The following RSPO2 variants were observed in gnomAD, a reference collection of about 807,000 sequenced individuals.
RSPO2 encodes the protein R-spondin-2.
In RSPO2, 14 loss-of-function variants were observed where a neutral mutation model predicts 30.9. The ratio of observed to expected loss-of-function variants is 0.45; its 90% CI spans 0.30 to 0.71. The LOEUF is 0.71. Ranked by LOEUF, RSPO2 falls within the 30% of genes least tolerant of loss-of-function variation. The pLI is 0.08. For missense variants in RSPO2, 264 were observed against 301.9 expected (o/e 0.87, Z 0.93); for synonymous variants, 107 against 96.4 (o/e 1.11, Z -0.64).
chr8:108,052,385 G>A (rs940935785), intron 2 of RSPO2, among the ~76,000 whole-genome samples: 65 of 152,072 alleles, frequency 4.3e-4, no homozygotes, highest in Non-Finnish European at 1.5e-4. Flanking sequence ...CCAGAATCAT[G>A]ATCAATATAT....
Position 108,028,270 on chromosome 8 carries a change from A to G in RSPO2, c.95-39026T>C, listed in dbSNP as rs796408031. The stretch of plus-strand genomic sequence containing the variant: ...GGCTTATCTTACCCCCTCACCTCAC[A>G]TATCCAAGTGAAGATTGTTCAAGAA... On this transcript the variant is annotated intron_variant, in intron 2 of 5. Transcript: ENST00000276659. 1.7e-4 allele frequency among the ~76,000 whole-genome samples: 26 copies of G among 152,252 alleles called. 1 individual carries two copies. Among genetic ancestry groups the G allele is most frequent in the African/African-American group, 6.3e-4 (26 of 41,566 alleles).
intron 3 of RSPO2, chr8:107,982,987 C>G (rs191830330): frequency 4.2e-5 from 24 of 576,550 alleles, no homozygotes; most frequent in Admixed American, 7.1e-5. Context: ...CCCTCAGCGC[C>G]TACGACTGGC....
At chr8:108,054,995 C>A (rs1812198450) in intron 2 of RSPO2, among the ~76,000 whole-genome samples, 1 of 152,104 alleles carries the variant, frequency 6.6e-6, no homozygotes, top group Admixed American at 6.5e-5. Context: ...GTGGTGCGTG[C>A]CTGTAGTCCC....
chr8:107,918,591 G>A (rs1812053220), intron 5 of RSPO2, among the ~76,000 whole-genome samples: 1 of 152,116 alleles, frequency 6.6e-6, no homozygotes. Context: ...GACCTCCAGA[G>A]GAGAAGAATT....
chr8:108,003,299 ATATATATATATATTTTT>A (rs1563559054), intron 2 of RSPO2, among the ~76,000 whole-genome samples: 25 of 23,288 alleles, frequency 1.1e-3, no homozygotes, highest in African/African-American at 3.7e-3. Context: ...ATATATATAT[ATATATATATATATTTTT>A]TTTTTTTTTT....
intron 2 of RSPO2, among the ~76,000 whole-genome samples, chr8:107,995,786 C>G (rs1167243037): frequency 6.6e-6 from 1 of 152,082 alleles, no homozygotes; most frequent in African/African-American, 2.4e-5. Flanking sequence ...TAATTCAGGC[C>G]TTTATCACTT....
chr8:108,007,942 C>A (rs111752276), intron 2 of RSPO2, among the ~76,000 whole-genome samples: 2,329 of 152,082 alleles, frequency 0.015, 31 homozygotes, highest in Non-Finnish European at 0.025. Flanking sequence ...CATTTTGAGA[C>A]CCCGTATCTA....
intron 5 of RSPO2, among the ~76,000 whole-genome samples, chr8:107,929,211 A>T (rs974053971): frequency 2.6e-5 from 4 of 152,208 alleles, no homozygotes; most frequent in Non-Finnish European, 5.9e-5. Context: ...TTGCAAAAGT[A>T]ATTTTTCATT....
intron 2 of RSPO2, among the ~76,000 whole-genome samples, chr8:108,044,101 C>T (rs1221156225): frequency 2.0e-5 from 3 of 151,308 alleles, no homozygotes; most frequent in Non-Finnish European, 4.4e-5. Context: ...GGTTATGCCA[C>T]TATCCTACCT....
Position 107,958,087 on chromosome 8 carries a change from A to G in RSPO2, c.609T>C (p.Cys203=). ...GATTATATCCACACCTACCTCCTGG[A>G]CAATGCCTCATTGTCATCTTGCATC... ...SRRCKMTMRH[C]PGGKRTPKAK... The change falls in exon 5 of 6, where the codon TGT becomes TGC. Residue 203 remains cysteine, a synonymous_variant. Transcript: ENST00000276659. The G allele has an allele frequency of 6.2e-7, 1 of 1,612,568 alleles. No individual in the cohort carries two copies. The highest frequency in any genetic ancestry group is 8.5e-7 in the Non-Finnish European group (1 of 1,178,782).
intron 5 of RSPO2, among the ~76,000 whole-genome samples, chr8:107,946,852 T>C (rs1813076878): frequency 6.6e-6 from 1 of 152,200 alleles, no homozygotes; most frequent in African/African-American, 2.4e-5. Context: ...TTCCCGATTC[T>C]GTTTTTTCCA....
intron 3 of RSPO2, 110 bp from the exon 4 acceptor site, chr8:107,960,927 A>G (rs1412085632): frequency 9.3e-6 from 7 of 755,920 alleles, no homozygotes; most frequent in South Asian, 3.9e-5. Flanking sequence ...AATTCTCATC[A>G]TCAGAGAAAT....
intron 5 of RSPO2, among the ~76,000 whole-genome samples, chr8:107,902,684 CTCT>C (rs1040463519): frequency 6.6e-6 from 1 of 152,050 alleles, no homozygotes. Context: ...AACAGGCTTA[CTCT>C]TCAAGACCCT....
rs1860003662 is a variant in RSPO2 at position 107,964,243 on chromosome 8, AT to A, written c.284-3427del. Among the ~76,000 whole-genome samples, 4 of 152,250 alleles carry A rather than the reference AT, an allele frequency of 2.6e-5. No individual in the cohort carries two copies. The South Asian group carries it at 8.3e-4, about 32-fold the overall frequency. ...TTTTTATGCATTCATTCGTTCATTC[AT>A]TCATTCATTCATTTAGAGACAGAAT... On this transcript the variant is annotated intron_variant, in intron 3 of 5. Coordinates refer to ENST00000276659, the MANE Select transcript of RSPO2 (RefSeq NM_178565.5).
intron 5 of RSPO2, among the ~76,000 whole-genome samples, chr8:107,927,781 C>A (rs1447786606): frequency 6.6e-6 from 1 of 151,946 alleles, no homozygotes; most frequent in Non-Finnish European, 1.5e-5. Flanking sequence ...TTTTGATGTA[C>A]TGCTGGATTC....
chr8:107,974,296 G>A (rs1036161345), intron 3 of RSPO2, among the ~76,000 whole-genome samples: 4 of 151,248 alleles, frequency 2.6e-5, no homozygotes, highest in Non-Finnish European at 5.9e-5. Context: ...AGACCAGCCT[G>A]GGCTATGTGA....
intron 2 of RSPO2, among the ~76,000 whole-genome samples, chr8:108,006,718 C>A (rs925561536): frequency 6.6e-6 from 1 of 151,914 alleles, no homozygotes; most frequent in African/African-American, 2.4e-5. Context: ...TGTAGGACAC[C>A]GGGATTGTAA....
At chr8:107,976,774 C>A (rs1258453288) in intron 3 of RSPO2, among the ~76,000 whole-genome samples, 2 of 152,176 alleles carry the variant, frequency 1.3e-5, no homozygotes, top group South Asian at 2.1e-4. Flanking sequence ...TCCCTGTTCT[C>A]CTGTCTACAA....
At chr8:108,040,546 A>G (rs1811723999) in intron 2 of RSPO2, among the ~76,000 whole-genome samples, 1 of 152,218 alleles carries the variant, frequency 6.6e-6, no homozygotes, top group Non-Finnish European at 1.5e-5. Flanking sequence ...GATTGGGTCC[A>G]GACCAGGCAG....
Sources: gnomAD v4.1 joint callset for allele counts (sites outside exome capture counted in the v4.1 genomes callset) on GRCh38, gnomAD v4.1.1 for gene constraint, MANE v1.5 for transcripts, NCBI Gene and HGNC (gene_info 2026-07-23, HGNC 2026-07-21) for gene names.